The following MSTO1 variants were observed in gnomAD, a reference collection of about 807,000 sequenced individuals.
MSTO1 encodes the protein misato mitochondrial distribution and morphology regulator 1.
In MSTO1, 24 loss-of-function variants were observed where a neutral mutation model predicts 55.7. The observed-to-expected ratio is 0.43, with a 90% CI of 0.31 to 0.61. MSTO1 has a LOEUF of 0.61. Among genes scored for constraint, MSTO1 ranks in the 20% least tolerant of loss-of-function variants. The pLI is 0.09. For missense variants in MSTO1, 363 were observed against 625.7 expected (o/e 0.58, Z 4.48); for synonymous variants, 162 against 252.8 (o/e 0.64, Z 3.41).
chr1:155,595,644 C>T, the MSTO1 span, among the ~76,000 whole-genome samples: 1 of 151,756 alleles, frequency 6.6e-6, no homozygotes, highest in Admixed American at 6.6e-5. Context: ...CACACCACCA[C>T]ATCCAGCTAA....
intron 9 of MSTO1, 79 bp from the exon 10 acceptor site, chr1:155,612,765 T>C: frequency 2.6e-6 from 4 of 1,566,652 alleles, no homozygotes; most frequent in Non-Finnish European, 3.5e-6. Flanking sequence ...CCCCTGGGTC[T>C]CTCTGGTGTT....
At chr1:155,603,230 T>C in the MSTO1 span, among the ~76,000 whole-genome samples, 1 of 151,686 alleles carries the variant, frequency 6.6e-6, no homozygotes, top group Non-Finnish European at 1.5e-5. Context: ...CTGGGCGTGG[T>C]GGCGTGCACC....
In MSTO1 at chr1:155,613,048, G is replaced by T. The variant is rs745944305; in HGVS notation, c.1099-1G>T. 2.5e-6 allele frequency: 4 copies of T among 1,613,692 alleles called. No individual in the cohort carries two copies. The highest frequency in any genetic ancestry group is 3.4e-6 in the Non-Finnish European group (4 of 1,180,006). On this transcript the variant is annotated splice_acceptor_variant, in intron 10 of 13. Coordinates refer to ENST00000245564, the MANE Select transcript of MSTO1 (RefSeq NM_018116.4). LOFTEE classifies it high-confidence loss of function. ...TAACGTGTTCTCTTCCATCTCTTTA[G>T]GTGGTGACAGCAGGAGCAATCATCC...
Position 155,612,079 on chromosome 1 carries a change from G to T in MSTO1, c.657G>T (p.Val219=). The change falls in exon 7 of 14, where the codon GTG becomes GTT. Residue 219 remains valine (V), a synonymous_variant. Transcript: ENST00000245564. The part of the protein sequence containing the change: ...EELEDRLHFY[V]EECDYLQGFQ... The stretch of plus-strand genomic sequence containing the variant: ...TGGAGGACAGGCTGCATTTCTACGT[G>T]GAGGAATGTGACTACTTGCAGGTAG... The T allele has an allele frequency of 6.2e-7, 1 of 1,610,566 alleles. No individual in the cohort carries two copies. Among genetic ancestry groups the T allele is most frequent in the East Asian group, 2.2e-5 (1 of 44,780 alleles).
chr1:155,602,784 T>C, the MSTO1 span, among the ~76,000 whole-genome samples: 5,128 of 152,112 alleles, frequency 0.034, 135 homozygotes, highest in Non-Finnish European at 0.053. Context: ...AGTTGATTCA[T>C]TGACTTTTCA....
chr1:155,587,999 A>G, the MSTO1 span, among the ~76,000 whole-genome samples: 4 of 151,956 alleles, frequency 2.6e-5, no homozygotes, highest in Non-Finnish European at 5.9e-5. Context: ...TGAGGCCAGG[A>G]GTTCGAGACC....
the MSTO1 span, among the ~76,000 whole-genome samples, chr1:155,569,631 A>G: frequency 1.3e-5 from 2 of 151,196 alleles, no homozygotes; most frequent in African/African-American, 2.4e-5. Context: ...TACAGACAGG[A>G]TTTCACTATG....
the MSTO1 span, among the ~76,000 whole-genome samples, chr1:155,600,498 TCCC>T: frequency 2.0e-5 from 3 of 152,218 alleles, no homozygotes; most frequent in Non-Finnish European, 2.9e-5. Flanking sequence ...CTCTTGCTTT[TCCC>T]CACAGCATAT....
chr1:155,614,182 C>T lies in MSTO1; in HGVS notation c.1622C>T (p.Ala541Val). ...CGGCGCTGGGCCAGCTTCATGGATG[C>T]TGGAGTGGAGCACGATGACGTAGCA... The part of the protein sequence containing the change: ...DLRRWASFMD[A>V]GVEHDDVAEL... Residue 541 changes from alanine (A) to valine (V), a missense_variant, in exon 14 of 14, where the codon GCT (alanine) becomes GTT (valine). Around this residue, in one of 3 missense-constraint regions of MSTO1, gnomAD observed 38 missense variants for 126.4 expected, o/e 0.30. Transcript: ENST00000245564. 1.6e-6 allele frequency: 2 copies of T among 1,243,238 alleles called. No individual in the cohort carries two copies. Among genetic ancestry groups the T allele is most frequent in the Non-Finnish European group, 2.3e-6 (2 of 877,844 alleles). The allele number at this position is 1,243,238 out of a possible 1,614,324, so 77.0% of individuals were successfully genotyped here. A position where few individuals can be genotyped will look rare whatever the true frequency, so the allele number is the denominator to read the frequency against.
rs769017868 is a variant in MSTO1, at chr1:155,613,408, G to GT, written c.1284-51dup. On this transcript the variant is annotated intron_variant, in intron 11 of 13. Coordinates refer to ENST00000245564, the MANE Select transcript of MSTO1 (RefSeq NM_018116.4). ...GATGGCCTGAGAACATAAGAATTCT[G>GT]TTTCTTATTCATGCAGCCACAGACT... is the stretch of plus-strand genomic sequence containing the variant. 1.3e-3 allele frequency: 2,134 copies of GT among 1,609,624 alleles called. 3 individuals are homozygous for GT. The highest frequency in any genetic ancestry group is 2.6e-3 in the Middle Eastern group (16 of 6,052).
At chr1:155,595,699 T>A in the MSTO1 span, among the ~76,000 whole-genome samples, 1 of 151,798 alleles carries the variant, frequency 6.6e-6, no homozygotes, top group Non-Finnish European at 1.5e-5. Flanking sequence ...TTCACCATGT[T>A]GGCCAGGATG....
chr1:155,591,181 G>A, the MSTO1 span: 1 of 1,612,888 alleles, frequency 6.2e-7, no homozygotes, highest in South Asian at 1.1e-5. Context: ...TTCCACATGG[G>A]CAGGACGCAG....
At chr1:155,605,634 C>T (rs1255634505), upstream of MSTO1, among the ~76,000 whole-genome samples, 1 of 152,004 alleles carries the variant, frequency 6.6e-6, no homozygotes, top group Non-Finnish European at 1.5e-5. Flanking sequence ...CTCCTCTCTA[C>T]AAAAAAGGTT....
chr1:155,585,491 C>T, the MSTO1 span, among the ~76,000 whole-genome samples: 1 of 149,724 alleles, frequency 6.7e-6, no homozygotes, highest in Non-Finnish European at 1.5e-5. Flanking sequence ...CCACTGCACT[C>T]CAGCCTGGGT....
the MSTO1 span, among the ~76,000 whole-genome samples, chr1:155,601,202 C>T: frequency 4.7e-5 from 7 of 150,230 alleles, no homozygotes; most frequent in East Asian, 1.0e-3. Context: ...GGTGTAATCT[C>T]GGCTCATTGC....
the MSTO1 span, among the ~76,000 whole-genome samples, chr1:155,579,822 A>G: frequency 6.6e-6 from 1 of 152,196 alleles, no homozygotes. Flanking sequence ...CTCGCCTGTA[A>G]TCCCAGCACT....
the MSTO1 span, among the ~76,000 whole-genome samples, chr1:155,589,227 G>T: frequency 3.3e-5 from 5 of 152,044 alleles, no homozygotes; most frequent in African/African-American, 1.2e-4. Context: ...GAACCCAAGA[G>T]GTGGAGGTTG....
chr1:155,590,587 C>T, the MSTO1 span: 4 of 1,238,236 alleles, frequency 3.2e-6, no homozygotes, highest in Non-Finnish European at 4.5e-6. Flanking sequence ...GCGGAGCCCC[C>T]ATTCACTTCC....
rs770125155 is a variant in MSTO1, at chr1:155,613,245, T to G, written c.1283+12T>G. ...GCATGCCACACAAGGTGAGAGCTGTTGGTCCTTAGGAGTCCTTGTCAGATT... is the reference window on the plus strand; with the variant it reads ...GCATGCCACACAAGGTGAGAGCTGTGGGTCCTTAGGAGTCCTTGTCAGATT... On this transcript the variant is annotated intron_variant, in intron 11 of 13. Transcript: ENST00000245564. The G allele has an allele frequency of 1.2e-6, 2 of 1,611,456 alleles. No homozygotes were observed. The highest frequency in any genetic ancestry group is 1.7e-6 in the Non-Finnish European group (2 of 1,178,138).
Sources: allele counts gnomAD v4.1 joint callset (sites outside exome capture counted in the v4.1 genomes callset), GRCh38; gene constraint gnomAD v4.1.1; regional missense constraint gnomAD v4.1.1; transcripts MANE v1.5; gene names NCBI Gene and HGNC (gene_info 2026-07-23, HGNC 2026-07-21).